Variants in RNF220 observed in about 807,000 individuals in gnomAD.
RNF220 encodes the protein E3 ubiquitin-protein ligase RNF220.
Under a neutral mutation model 67.1 loss-of-function variants are expected in RNF220, and 7 were observed. The observed-to-expected ratio is 0.10, with a 90% CI of 0.06 to 0.20. The LOEUF (loss-of-function observed/expected upper bound fraction) is 0.20. RNF220 is among the 10% of genes least tolerant of loss of function. The probability of loss-of-function intolerance (pLI) is 1.00; values close to 1 mark genes in which losing one functional copy is unlikely to be tolerated. For synonymous variants in RNF220, 270 were observed against 283.2 expected (o/e 0.95, Z 0.47); for missense variants, 565 against 740.3 (o/e 0.76, Z 2.75).
At chr1:44,616,114 G>C (rs1420436926) in intron 3 of RNF220, among the ~76,000 whole-genome samples, 1 of 152,210 alleles carries the variant, frequency 6.6e-6, no homozygotes, top group African/African-American at 2.4e-5. Context: ...ACTTCCCACA[G>C]AGCATGCAGT....
chr1:44,435,370 A>G (rs910473806), intron 2 of RNF220, among the ~76,000 whole-genome samples: 1 of 152,206 alleles, frequency 6.6e-6, no homozygotes, highest in Admixed American at 6.5e-5. Context: ...GTTTTAATGA[A>G]CAAATTAAAT....
At chr1:44,588,511 A>T (rs1665874892) in intron 2 of RNF220, among the ~76,000 whole-genome samples, 1 of 152,224 alleles carries the variant, frequency 6.6e-6, no homozygotes, top group Admixed American at 6.5e-5. Context: ...TGTCTTGGGG[A>T]AAGTGGCCCC....
chr1:44,558,676 C>T (rs891614741), intron 2 of RNF220, among the ~76,000 whole-genome samples: 13 of 152,200 alleles, frequency 8.5e-5, no homozygotes, highest in Admixed American at 8.5e-4. Flanking sequence ...CCCAAGATCA[C>T]GCAGCTAGAA....
chr1:44,512,931 C>A (rs1659140103), intron 2 of RNF220, among the ~76,000 whole-genome samples: 1 of 152,208 alleles, frequency 6.6e-6, no homozygotes, highest in East Asian at 1.9e-4. Context: ...AGGAACATCC[C>A]GGCTGAGCCA....
intron 2 of RNF220, among the ~76,000 whole-genome samples, chr1:44,559,540 C>T (rs1405873111): frequency 3.9e-5 from 6 of 152,198 alleles, no homozygotes; most frequent in South Asian, 2.1e-4. Flanking sequence ...GCGGCGGCAC[C>T]GCAGGATCAG....
intron 2 of RNF220, among the ~76,000 whole-genome samples, chr1:44,468,916 C>CA (rs5773833): frequency 0.18 from 26,480 of 146,982 alleles, 3,058 homozygotes; most frequent in African/African-American, 0.33. Context: ...GACTCTGTCT[C>CA]AAAAAAAAAA....
At chr1:44,463,468 G>C (rs984446204) in intron 2 of RNF220, among the ~76,000 whole-genome samples, 2 of 151,404 alleles carry the variant, frequency 1.3e-5, no homozygotes, top group African/African-American at 4.8e-5. Context: ...TTTTGTAATT[G>C]TTGTGAAATG....
intron 2 of RNF220, among the ~76,000 whole-genome samples, chr1:44,495,558 A>G (rs1456799832): frequency 6.6e-6 from 1 of 152,176 alleles, no homozygotes; most frequent in Admixed American, 6.5e-5. Context: ...AAAATGAATA[A>G]AAGTTAGCCA....
rs751306372 is a variant in RNF220 at position 44,649,796 on chromosome 1, C to G, written c.1554+27C>G. ...TGAGTAGAAAAGAACCTAGGGGTGC[C>G]CTTGGTCAGGCTTCCACGCCCTCTG... On this transcript the variant is annotated intron_variant, in intron 13 of 14. Coordinates refer to ENST00000361799, the MANE Select transcript of RNF220 (RefSeq NM_018150.4). This position sits in a 1 kb window ranked among gnomAD's most constrained non-coding sequence, Gnocchi z 5.9. 20 of 1,613,524 alleles carry G rather than the reference C, an allele frequency of 1.2e-5. No homozygotes were observed. Among genetic ancestry groups the G allele is most frequent in the Non-Finnish European group, 1.7e-5 (20 of 1,179,660 alleles).
rs969584252 is a variant in RNF220 at position 44,624,239 on chromosome 1, G to A, written c.804+1452G>A. ...TGTGGCCCAGCCTGCAGCATTTAAT[G>A]GTGTGGTTCAGGAAAGTCAGAGACA... On this transcript the variant is annotated intron_variant, in intron 4 of 14. Transcript: ENST00000361799. The surrounding 1 kb of genome is among the most constrained non-coding windows in gnomAD (Gnocchi z 4.2). Among the ~76,000 whole-genome samples, 30 of 152,180 alleles carry A rather than the reference G, an allele frequency of 2.0e-4. No individual in the cohort carries two copies. Among genetic ancestry groups the A allele is most frequent in the African/African-American group, 7.2e-4 (30 of 41,438 alleles).
chr1:44,439,656 T>C (rs1158107907), intron 2 of RNF220, among the ~76,000 whole-genome samples: 3 of 152,180 alleles, frequency 2.0e-5, no homozygotes, highest in African/African-American at 7.2e-5. Context: ...CATTTTTTTT[T>C]CCCTTTTGGC....
chr1:44,503,583 A>G (rs747106673), intron 2 of RNF220, among the ~76,000 whole-genome samples: 1 of 152,136 alleles, frequency 6.6e-6, no homozygotes, highest in Non-Finnish European at 1.5e-5. Flanking sequence ...ATATAATCTC[A>G]GACACCCCCT....
In RNF220 at chr1:44,649,484, T is replaced by G; in HGVS notation, c.1446-177T>G. The stretch of plus-strand genomic sequence containing the variant: ...AATGGGAATGGAGGAATAGAGAGGG[T>G]GAGGAGTTTAGTTCTGGAATGTGGA... On this transcript the variant is annotated intron_variant, in intron 12 of 14. Coordinates refer to ENST00000361799, the MANE Select transcript of RNF220 (RefSeq NM_018150.4). This position sits in a 1 kb window ranked among gnomAD's most constrained non-coding sequence, Gnocchi z 5.9. 3.2e-6 allele frequency: 2 copies of G among 615,676 alleles called. No homozygotes were observed. Among genetic ancestry groups the G allele is most frequent in the Non-Finnish European group, 5.8e-6 (2 of 345,932 alleles). 38.1% of individuals were successfully genotyped at this position (615,676 alleles called of 1,614,324 possible).
At chr1:44,502,011 A>T (rs1289921601) in intron 2 of RNF220, among the ~76,000 whole-genome samples, 2 of 145,724 alleles carry the variant, frequency 1.4e-5, no homozygotes, top group African/African-American at 2.5e-5. Flanking sequence ...CAAGTTGGGG[A>T]GTGGGCACCT....
chr1:44,404,991 G>C (rs994422657), upstream of RNF220, among the ~76,000 whole-genome samples: 1 of 152,134 alleles, frequency 6.6e-6, no homozygotes, highest in Admixed American at 6.5e-5. Context: ...GCGGGTGGGG[G>C]AGGAGGGATG....
intron 2 of RNF220, among the ~76,000 whole-genome samples, chr1:44,443,008 C>G (rs1420556070): frequency 1.3e-5 from 2 of 152,196 alleles, no homozygotes; most frequent in Non-Finnish European, 2.9e-5. Context: ...TAAGACTTCT[C>G]AAATAACTGG....
At chr1:44,603,435 C>G (rs994199076) in intron 2 of RNF220, among the ~76,000 whole-genome samples, 10 of 152,204 alleles carry the variant, frequency 6.6e-5, no homozygotes, top group African/African-American at 2.4e-4. Flanking sequence ...ACCCAGGGAG[C>G]AGAAGCCCCA....
At chr1:44,408,297 C>T (rs1647600155) in intron 1 of RNF220, among the ~76,000 whole-genome samples, 1 of 152,224 alleles carries the variant, frequency 6.6e-6, no homozygotes, top group Non-Finnish European at 1.5e-5. Flanking sequence ...CACCCTTTGG[C>T]CAAGCTGGGC....
intron 2 of RNF220, among the ~76,000 whole-genome samples, chr1:44,516,960 C>T (rs556973872): frequency 2.0e-4 from 30 of 152,148 alleles, no homozygotes; most frequent in Middle Eastern, 6.8e-3. Flanking sequence ...AAAACTGTTC[C>T]CTCTCCCCTT....
Sources: gnomAD v4.1 joint callset for allele counts (sites outside exome capture counted in the v4.1 genomes callset) on GRCh38, gnomAD v4.1.1 for gene constraint, Gnocchi (gnomAD v3.1) non-coding constraint, MANE v1.5 for transcripts, NCBI Gene and HGNC (gene_info 2026-07-23, HGNC 2026-07-21) for gene names.